Variants in ACAD10 observed in about 807,000 individuals in gnomAD.
The protein encoded by ACAD10 is acyl-CoA dehydrogenase family member 10, also known as ACAD-10.
In ACAD10, 112 loss-of-function variants were observed where a neutral mutation model predicts 116.8. The observed-to-expected ratio is 0.96, with a 90% CI of 0.82 to 1.12. ACAD10 has a LOEUF of 1.12. ACAD10 is among the 50% of genes most tolerant of loss of function. The probability of loss-of-function intolerance (pLI) is 0.00; values close to 1 mark genes in which losing one functional copy is unlikely to be tolerated. For missense variants in ACAD10, 1,259 were observed against 1,350.2 expected, an observed-to-expected ratio of 0.93 and a Z score of 1.06; for synonymous variants, 486 against 510.6, an observed-to-expected ratio of 0.95 and a Z score of 0.65.
intron 3 of ACAD10, among the ~76,000 whole-genome samples, chr12:111,702,535 G>A (rs1888377288): frequency 6.6e-6 from 1 of 152,068 alleles, no homozygotes; most frequent in Non-Finnish European, 1.5e-5. Context: ...TTCGAGACCA[G>A]CCTGGCTAAC....
chr12:111,687,277 A>C (rs1392351585), intron 1 of ACAD10, among the ~76,000 whole-genome samples: 1 of 152,206 alleles, frequency 6.6e-6, no homozygotes, highest in African/African-American at 2.4e-5. Context: ...CATCCTATGA[A>C]ATACGTTTCC....
chr12:111,705,588 C>T, intron 3 of ACAD10, 150 bp from the exon 4 acceptor site: 1 of 691,436 alleles, frequency 1.4e-6, no homozygotes, highest in Middle Eastern at 4.1e-4. Context: ...GGCTGAGGAA[C>T]ACAGTTCCTG....
intron 5 of ACAD10, among the ~76,000 whole-genome samples, chr12:111,711,312 T>C (rs911351612): frequency 6.6e-6 from 1 of 152,130 alleles, no homozygotes; most frequent in Non-Finnish European, 1.5e-5. Context: ...GCCATTCTCC[T>C]GCCTCAGCCT....
chr12:111,734,094 G>A (rs547678543), intron 11 of ACAD10, 26 bp downstream of exon 11: 66 of 1,613,610 alleles, frequency 4.1e-5, no homozygotes, highest in Middle Eastern at 3.3e-4. Context: ...GGAGGATAGT[G>A]GGGGAGCAAG....
chr12:111,690,021 C>A (rs535968478), intron 1 of ACAD10, among the ~76,000 whole-genome samples: 1 of 152,066 alleles, frequency 6.6e-6, no homozygotes, highest in Admixed American at 6.6e-5. Context: ...GGCCTTACTT[C>A]GAATATTTTC....
chr12:111,715,650 G>A, intron 6 of ACAD10, 171 bp from the exon 7 acceptor site: 1 of 785,992 alleles, frequency 1.3e-6, no homozygotes, highest in South Asian at 1.9e-5. Context: ...GCGGAGTGTA[G>A]ACCTGGGACT....
In ACAD10 at chr12:111,747,354, T is replaced by A. The variant is rs1889941276; in HGVS notation, c.2454T>A (p.Tyr818Ter). Residue 818 changes from tyrosine (Y) to a stop codon, truncating the protein, a stop_gained, in exon 16 of 21, where the codon TAT becomes TAA. Transcript: ENST00000313698. LOFTEE classifies it high-confidence loss of function. ...CCATCAGAGAGGAGGACAGCTTCTA[T>A]GTCATAAACGGTCACAAATGGTGGA... ...EASIREEDSFYVINGHKWWIT... is the reference protein window; with the variant it reads ...EASIREEDSF 1.2e-6 allele frequency: 2 copies of A among 1,614,050 alleles called. No individual in the cohort carries two copies. Among genetic ancestry groups the A allele is most frequent in the Non-Finnish European group, 1.7e-6 (2 of 1,180,030 alleles).
intron 4 of ACAD10, among the ~76,000 whole-genome samples, chr12:111,708,608 A>G (rs1301167422): frequency 6.6e-6 from 1 of 152,094 alleles, no homozygotes; most frequent in Non-Finnish European, 1.5e-5. Context: ...GAGAGGGGCC[A>G]CTGGGTTTGT....
rs1185212535 is a variant in ACAD10 at position 111,715,847 on chromosome 12, C to T, written c.877C>T (p.His293Tyr). 6.2e-7 allele frequency: 1 copy of T among 1,614,142 alleles called. No individual in the cohort carries two copies. The highest frequency in any genetic ancestry group is 8.5e-7 in the Non-Finnish European group (1 of 1,180,038). ...CCCATTGGAACTACTTCAGTTTGATCACGGGCAGTCAAATCCAACTTACTA... is the reference window on the plus strand; with the variant it reads ...CCCATTGGAACTACTTCAGTTTGATTACGGGCAGTCAAATCCAACTTACTA... ...TGPLELLQFD[H>Y]GQSNPTYYIR... The change falls in exon 7 of 21, where the codon CAC becomes TAC. Residue 293 changes from histidine (H) to tyrosine (Y), a missense_variant. Transcript: ENST00000313698.
intron 5 of ACAD10, chr12:111,710,064 G>C: frequency 3.1e-6 from 1 of 325,966 alleles, no homozygotes; most frequent in Non-Finnish European, 5.9e-6. Flanking sequence ...CCATGTGAGG[G>C]GGTCTCATGC....
At chr12:111,710,286 C>G (rs1202253305) in intron 5 of ACAD10, 1 of 454,158 alleles carries the variant, frequency 2.2e-6, no homozygotes, top group African/African-American at 2.0e-5. Context: ...CAGGGTTTTG[C>G]CGTGTTGCCC....
chr12:111,701,866 A>G (rs577659295), intron 2 of ACAD10, among the ~76,000 whole-genome samples: 3 of 152,294 alleles, frequency 2.0e-5, no homozygotes, highest in African/African-American at 7.2e-5. Flanking sequence ...CATATGGTCC[A>G]GTGAATATGA....
intron 19 of ACAD10, among the ~76,000 whole-genome samples, chr12:111,754,289 A>G (rs531911517): frequency 6.6e-6 from 1 of 152,290 alleles, no homozygotes; most frequent in Non-Finnish European, 1.5e-5. Flanking sequence ...CAAGTGTGAC[A>G]TTAGTCATTC....
intron 8 of ACAD10, among the ~76,000 whole-genome samples, chr12:111,724,010 C>T (rs1398217685): frequency 1.3e-5 from 2 of 151,344 alleles, no homozygotes; most frequent in Non-Finnish European, 2.9e-5. Context: ...AGAGACGCTC[C>T]TCACTTCCTA....
intron 2 of ACAD10, 138 bp downstream of exon 2, chr12:111,693,034 A>AATCC: frequency 1.1e-6 from 1 of 906,308 alleles, no homozygotes; most frequent in South Asian, 1.7e-5. Context: ...GTCGAATTCC[A>AATCC]AGCACCACTA....
At chr12:111,691,792 C>T (rs185917407) in intron 1 of ACAD10, among the ~76,000 whole-genome samples, 60 of 152,058 alleles carry the variant, frequency 3.9e-4, no homozygotes, top group Non-Finnish European at 6.5e-4. Flanking sequence ...GATGGGGTTT[C>T]GCCATGTTGG....
chr12:111,724,476 C>T (rs374415863), intron 8 of ACAD10, among the ~76,000 whole-genome samples: 4 of 152,284 alleles, frequency 2.6e-5, no homozygotes, highest in East Asian at 1.9e-4. Context: ...GAGGTTGTAG[C>T]GAGCCAAGAT....
intron 10 of ACAD10, 85 bp from the exon 11 acceptor site, chr12:111,733,838 G>A (rs1889471123): frequency 2.6e-6 from 4 of 1,566,586 alleles, no homozygotes; most frequent in Non-Finnish European, 3.5e-6. Context: ...GGGGAGCCAA[G>A]CCTAAAGGGC....
chr12:111,714,377 CTT>C (rs1370606123), intron 6 of ACAD10, among the ~76,000 whole-genome samples: 2 of 151,946 alleles, frequency 1.3e-5, no homozygotes, highest in African/African-American at 4.8e-5. Flanking sequence ...TTAGAGGACA[CTT>C]TTGGGCCAGG....
Sources: allele counts gnomAD v4.1 joint callset (sites outside exome capture counted in the v4.1 genomes callset), GRCh38; gene constraint gnomAD v4.1.1; transcripts MANE v1.5; gene names NCBI Gene and HGNC (gene_info 2026-07-23, HGNC 2026-07-21).